Variants in HMGCLL1 observed in about 807,000 individuals in gnomAD.
The protein encoded by HMGCLL1 is 3-hydroxy-3-methylglutaryl-CoA lyase like 1.
In HMGCLL1, 36 loss-of-function variants were observed where a neutral mutation model predicts 39.1. The ratio of observed to expected loss-of-function variants is 0.92; its 90% CI spans 0.71 to 1.22. The LOEUF is 1.22. Ranked by LOEUF, HMGCLL1 falls within the 50% of genes most tolerant of loss-of-function variation. The pLI is 0.00. For synonymous variants in HMGCLL1, 149 were observed against 144.0 expected (o/e 1.03, Z -0.25); for missense variants, 451 against 416.5 (o/e 1.08, Z -0.72).
At chr6:55,547,406 T>C (rs1353616468) in intron 1 of HMGCLL1, among the ~76,000 whole-genome samples, 4 of 151,998 alleles carry the variant, frequency 2.6e-5, no homozygotes, top group Non-Finnish European at 5.9e-5. Flanking sequence ...ACCCTTCTAA[T>C]GGTAATAGAT....
chr6:55,483,185 A>G (rs1765831818), intron 7 of HMGCLL1, among the ~76,000 whole-genome samples: 1 of 152,188 alleles, frequency 6.6e-6, no homozygotes, highest in African/African-American at 2.4e-5. Context: ...TATTTAATAT[A>G]ATGGATATTT....
intron 1 of HMGCLL1, among the ~76,000 whole-genome samples, chr6:55,575,673 TAG>T (rs1561972318): frequency 6.6e-6 from 1 of 152,216 alleles, no homozygotes; most frequent in Non-Finnish European, 1.5e-5. Context: ...AATAGAGAAT[TAG>T]TTAAGCTCTC....
chr6:55,624,210 CCCACCATATCCCCATT>C, the HMGCLL1 span, among the ~76,000 whole-genome samples: 1 of 152,084 alleles, frequency 6.6e-6, no homozygotes, highest in African/African-American at 2.4e-5. Flanking sequence ...AGTGGTGATT[CCCACCATATCCCCATT>C]CAACTCTCCC....
chr6:55,669,332 C>T, the HMGCLL1 span, among the ~76,000 whole-genome samples: 1 of 151,752 alleles, frequency 6.6e-6, no homozygotes, highest in African/African-American at 2.4e-5. Flanking sequence ...TTGGAAACAG[C>T]TTACAAAAGC....
chr6:55,630,782 A>G, the HMGCLL1 span, among the ~76,000 whole-genome samples: 1 of 151,988 alleles, frequency 6.6e-6, no homozygotes, highest in Non-Finnish European at 1.5e-5. Context: ...GCCCCGCTCC[A>G]TGTGAGACAT....
intron 7 of HMGCLL1, among the ~76,000 whole-genome samples, chr6:55,480,738 C>A (rs1344588389): frequency 6.6e-6 from 1 of 151,570 alleles, no homozygotes; most frequent in Non-Finnish European, 1.5e-5. Context: ...AACCTGTGTC[C>A]ATCAATAGAC....
Position 55,435,677 on chromosome 6 carries a change from G to C in HMGCLL1, c.1008C>G (p.Ala336=). ...NKTTNSKVAQ[A]SFNA is the part of the protein sequence containing the mutation. ...TCCATTCAAGTCAAGCATTGAAGGA[G>C]GCTTGTGCTACTTTAGAGTTTGTGG... is the stretch of plus-strand genomic sequence containing the variant. Residue 336 remains alanine (A), a synonymous_variant, in exon 9 of 9, where the codon GCC becomes GCG. Transcript: ENST00000274901. The C allele has an allele frequency of 1.3e-6, 2 of 1,594,508 alleles. No homozygotes were observed. Among genetic ancestry groups the C allele is most frequent in the South Asian group, 2.2e-5 (2 of 89,710 alleles).
chr6:55,578,132 T>A (rs1421694140), intron 1 of HMGCLL1, among the ~76,000 whole-genome samples: 3 of 152,208 alleles, frequency 2.0e-5, no homozygotes, highest in African/African-American at 7.2e-5. Context: ...TCAGAAATAA[T>A]CTTGTATCCA....
chr6:55,670,734 G>A, the HMGCLL1 span, among the ~76,000 whole-genome samples: 1 of 151,706 alleles, frequency 6.6e-6, no homozygotes, highest in Admixed American at 6.6e-5. Flanking sequence ...ATGGAAGGCA[G>A]AAAAGGGGAA....
chr6:55,551,691 A>G (rs1770336194), intron 1 of HMGCLL1, among the ~76,000 whole-genome samples: 1 of 151,944 alleles, frequency 6.6e-6, no homozygotes, highest in South Asian at 2.1e-4. Context: ...CCCAAACCAG[A>G]AAGATGTTAT....
intron 1 of HMGCLL1, among the ~76,000 whole-genome samples, chr6:55,543,720 A>G (rs1340401807): frequency 6.6e-6 from 1 of 150,854 alleles, no homozygotes; most frequent in Non-Finnish European, 1.5e-5. Context: ...AAAATTAGTC[A>G]GGCGTGATGG....
chr6:55,516,420 A>G, intron 4 of HMGCLL1, 88 bp downstream of exon 4: 1 of 750,748 alleles, frequency 1.3e-6, no homozygotes, highest in East Asian at 2.5e-5. Context: ...ATTACAGATG[A>G]GTTACATATG....
chr6:55,560,547 A>G (rs1770895292), intron 1 of HMGCLL1, among the ~76,000 whole-genome samples: 1 of 152,116 alleles, frequency 6.6e-6, no homozygotes, highest in South Asian at 2.1e-4. Context: ...CATATTATAT[A>G]TACACCTTCA....
At chr6:55,491,348 A>G (rs1183322622) in intron 7 of HMGCLL1, among the ~76,000 whole-genome samples, 3 of 152,222 alleles carry the variant, frequency 2.0e-5, no homozygotes, top group African/African-American at 7.2e-5. Flanking sequence ...TTAAAGTATA[A>G]TAAAAAAAGA....
chr6:55,611,911 C>A, the HMGCLL1 span, among the ~76,000 whole-genome samples: 358 of 152,268 alleles, frequency 2.4e-3, 4 homozygotes, highest in East Asian at 0.017. Context: ...AGGATGCCCC[C>A]TCTCACCACT....
intron 5 of HMGCLL1, among the ~76,000 whole-genome samples, chr6:55,500,678 G>A (rs1332161647): frequency 2.0e-5 from 3 of 151,918 alleles, no homozygotes; most frequent in South Asian, 2.1e-4. Context: ...TCATCCCTCC[G>A]TTATTCCAAT....
intron 1 of HMGCLL1, among the ~76,000 whole-genome samples, chr6:55,578,734 G>T (rs572579252): frequency 6.6e-6 from 1 of 152,250 alleles, no homozygotes; most frequent in Non-Finnish European, 1.5e-5. Flanking sequence ...ATTTTGCAGG[G>T]TCTGATCTGT....
the HMGCLL1 span, among the ~76,000 whole-genome samples, chr6:55,654,947 T>G: frequency 6.6e-6 from 1 of 152,012 alleles, no homozygotes; most frequent in East Asian, 1.9e-4. Context: ...TGAATTCCAT[T>G]GAAAAATCCC....
upstream of HMGCLL1, among the ~76,000 whole-genome samples, chr6:55,581,868 TTAAAG>T (rs773956832): frequency 2.6e-5 from 4 of 151,938 alleles, no homozygotes; most frequent in Non-Finnish European, 2.9e-5. Flanking sequence ...TCACCTCAAA[TTAAAG>T]TAAATTTTCT....
Sources: allele counts gnomAD v4.1 joint callset (sites outside exome capture counted in the v4.1 genomes callset), GRCh38; gene constraint gnomAD v4.1.1; transcripts MANE v1.5; gene names NCBI Gene and HGNC (gene_info 2026-07-23, HGNC 2026-07-21).